The following PRELID2 variants were observed in gnomAD, a reference collection of about 807,000 sequenced individuals.
The protein encoded by PRELID2 is PRELI domain-containing protein 2.
PRELID2 carries 25 observed loss-of-function variants against 28.4 expected under a neutral mutation model. The ratio of observed to expected loss-of-function variants is 0.88; its 90% confidence interval spans 0.64 to 1.23. The LOEUF (loss-of-function observed/expected upper bound fraction) is 1.23, where lower values mean the gene tolerates loss of function less well. PRELID2 is among the 50% of genes most tolerant of loss of function. The pLI is 0.00. For synonymous variants in PRELID2, 76 were observed against 71.6 expected, an observed-to-expected ratio of 1.06 and a Z score of -0.31; for missense variants, 201 against 214.4, an observed-to-expected ratio of 0.94 and a Z score of 0.39.
chr5:145,449,545 G>A, the PRELID2 span, among the ~76,000 whole-genome samples: 1 of 152,024 alleles, frequency 6.6e-6, no homozygotes, highest in East Asian at 1.9e-4. Flanking sequence ...ACATAACAGG[G>A]GTACGTGGTG....
chr5:145,818,113 T>C, intron 3 of PRELID2, 59 bp from the exon 4 acceptor site: 3 of 1,548,980 alleles, frequency 1.9e-6, no homozygotes, highest in Non-Finnish European at 2.6e-6. Context: ...ACATAATGAC[T>C]GCATCCAGAG....
chr5:145,719,852 T>C (rs1474893716), intron 1 of PRELID2, among the ~76,000 whole-genome samples: 2 of 151,792 alleles, frequency 1.3e-5, no homozygotes, highest in East Asian at 3.9e-4. Context: ...AACAAGTATG[T>C]AGGAATATGA....
At chr5:145,297,713 GA>G in the PRELID2 span, among the ~76,000 whole-genome samples, 1 of 152,084 alleles carries the variant, frequency 6.6e-6, no homozygotes, top group African/African-American at 2.4e-5. Context: ...TGTATATCTA[GA>G]AAACTCCATC....
At chr5:145,794,187 A>G (rs544333747) in intron 5 of PRELID2, among the ~76,000 whole-genome samples, 14 of 152,224 alleles carry the variant, frequency 9.2e-5, no homozygotes, top group Admixed American at 3.3e-4. Flanking sequence ...AGAGTGGAAT[A>G]AAATAGACAC....
chr5:145,636,169 G>T (rs1405599997), intron 1 of PRELID2, among the ~76,000 whole-genome samples: 1 of 152,214 alleles, frequency 6.6e-6, no homozygotes, highest in Admixed American at 6.5e-5. Flanking sequence ...TATGATGGGT[G>T]CTATTGTTAT....
At chr5:145,662,769 G>A (rs909340731) in intron 1 of PRELID2, among the ~76,000 whole-genome samples, 19 of 152,180 alleles carry the variant, frequency 1.2e-4, no homozygotes, top group African/African-American at 4.6e-4. Context: ...ACTCTACAGA[G>A]AGTCACCACC....
chr5:145,740,937 TGTACA>T (rs1756692970), intron 1 of PRELID2, among the ~76,000 whole-genome samples: 1 of 37,630 alleles, frequency 2.7e-5, no homozygotes, highest in Admixed American at 3.7e-4. Flanking sequence ...TAAATATATA[TGTACA>T]TATATTTATC....
chr5:145,626,251 G>T (rs1753842910), intron 1 of PRELID2, among the ~76,000 whole-genome samples: 1 of 152,114 alleles, frequency 6.6e-6, no homozygotes, highest in African/African-American at 2.4e-5. Context: ...ATAACCTACA[G>T]AATTGGAGAA....
At chr5:145,741,246 A>G (rs1359475791) in intron 1 of PRELID2, among the ~76,000 whole-genome samples, 4 of 112,800 alleles carry the variant, frequency 3.5e-5, no homozygotes, top group African/African-American at 7.4e-5. Flanking sequence ...ATATAAATAT[A>G]TAATATATAA....
chr5:145,554,076 G>A (rs1752860399), intron 1 of PRELID2, among the ~76,000 whole-genome samples: 1 of 152,164 alleles, frequency 6.6e-6, no homozygotes, highest in Non-Finnish European at 1.5e-5. Flanking sequence ...TTGTCTATAT[G>A]CCAAACAAAT....
At chr5:145,712,978 C>CA (rs2149711315) in intron 1 of PRELID2, among the ~76,000 whole-genome samples, 1 of 151,292 alleles carries the variant, frequency 6.6e-6, no homozygotes, top group East Asian at 1.9e-4. Context: ...AAAGATAGGT[C>CA]AATAGAAACT....
At position 145,715,302 on chromosome 5, in the gene PRELID2, G is replaced by C. The variant is rs190314148; in HGVS notation, n.70+49629C>G. On this transcript the variant is annotated intron_variant and non_coding_transcript_variant, in intron 1 of 2. Coordinates refer to the PRELID2 transcript ENST00000510259. Reference sequence around the variant, plus strand: ...TATTTCCTTATCCCCCAAAATCAATGCAATAGCAAATCTAGTTAACTTGTC... The same window carrying C: ...TATTTCCTTATCCCCCAAAATCAATCCAATAGCAAATCTAGTTAACTTGTC... Among the ~76,000 whole-genome samples, 49 of 152,080 alleles carry C rather than the reference G, an allele frequency of 3.2e-4. 1 individual carries two copies. The highest frequency in any genetic ancestry group is 1.2e-3 in the African/African-American group (48 of 41,482).
At chr5:145,459,733 C>T in the PRELID2 span, among the ~76,000 whole-genome samples, 3 of 151,786 alleles carry the variant, frequency 2.0e-5, no homozygotes, top group African/African-American at 7.3e-5. Context: ...AATGCCTCAA[C>T]TATATCTTCT....
chr5:145,578,269 T>C (rs964063807), intron 1 of PRELID2, among the ~76,000 whole-genome samples: 3 of 152,132 alleles, frequency 2.0e-5, no homozygotes, highest in Non-Finnish European at 4.4e-5. Context: ...CAACCACCCA[T>C]TCTACCTCCT....
At chr5:145,481,574 T>G (rs1471204145) in intron 1 of PRELID2, among the ~76,000 whole-genome samples, 2 of 132,646 alleles carry the variant, frequency 1.5e-5, no homozygotes, top group Non-Finnish European at 3.1e-5. Flanking sequence ...TAAGTCCACT[T>G]TGACCAAAAA....
At chr5:145,444,654 A>G in the PRELID2 span, among the ~76,000 whole-genome samples, 2 of 151,986 alleles carry the variant, frequency 1.3e-5, no homozygotes, top group African/African-American at 4.8e-5. Context: ...TGACTAACTA[A>G]GAGAATAAAA....
At chr5:145,728,624 G>C (rs1756245638) in intron 1 of PRELID2, 5 of 1,126,684 alleles carry the variant, frequency 4.4e-6, no homozygotes, top group Admixed American at 1.7e-5. Context: ...TAACATTATA[G>C]ACTCCATAAC....
intron 1 of PRELID2, among the ~76,000 whole-genome samples, chr5:145,614,852 C>T (rs1339296383): frequency 6.6e-6 from 1 of 152,148 alleles, no homozygotes; most frequent in Non-Finnish European, 1.5e-5. Flanking sequence ...CTGGCTAGGA[C>T]TTCCAATACT....
chr5:145,407,267 G>A, the PRELID2 span, among the ~76,000 whole-genome samples: 1 of 152,212 alleles, frequency 6.6e-6, no homozygotes. Context: ...TTGGTGCTAT[G>A]TGTGGGGCAT....
Sources: allele counts gnomAD v4.1 joint callset (sites outside exome capture counted in the v4.1 genomes callset), GRCh38; gene constraint gnomAD v4.1.1; transcripts MANE v1.5; gene names NCBI Gene and HGNC (gene_info 2026-07-23, HGNC 2026-07-21).